The following CRACR2A variants were observed in gnomAD, a reference collection of about 807,000 sequenced individuals.
The protein encoded by CRACR2A is EF-hand calcium-binding domain-containing protein 4B.
Under a neutral mutation model 90.5 loss-of-function variants are expected in CRACR2A, and 79 were observed. The observed-to-expected ratio is 0.87, with a 90% CI of 0.73 to 1.05. The LOEUF is 1.05. CRACR2A is among the 50% of genes least tolerant of loss of function. CRACR2A has a pLI of 0.00. For missense variants in CRACR2A, 823 were observed against 897.2 expected, an observed-to-expected ratio of 0.92 and a Z score of 1.06; for synonymous variants, 338 against 356.7, an observed-to-expected ratio of 0.95 and a Z score of 0.59.
chr12:3,666,923 T>C (rs1945161634), intron 7 of CRACR2A, among the ~76,000 whole-genome samples: 1 of 152,248 alleles, frequency 6.6e-6, no homozygotes, highest in Admixed American at 6.5e-5. Flanking sequence ...AAGCGTAGGC[T>C]TGGCCTTGGA....
chr12:3,640,489 G>C (rs181803814), intron 13 of CRACR2A: 1 of 1,193,430 alleles, frequency 8.4e-7, no homozygotes, highest in Non-Finnish European at 1.1e-6. Flanking sequence ...CTGGTACACA[G>C]TAGGTAATCA....
rs574410725 is a variant in CRACR2A at position 3,711,953 on chromosome 12, T to A, written c.-37+1284A>T. 6.6e-6 allele frequency among the ~76,000 whole-genome samples: 1 copy of A among 152,294 alleles called. No individual in the cohort carries two copies. Among genetic ancestry groups the A allele is most frequent in the Admixed American group, 6.5e-5 (1 of 15,288 alleles). ...TTGGATAGCATATTATTATCATGGATTTTAGTGGCTGGTTGAAAATGAGAG... is the reference window on the plus strand; with the variant it reads ...TTGGATAGCATATTATTATCATGGAATTTAGTGGCTGGTTGAAAATGAGAG... On this transcript the variant is annotated intron_variant, in intron 3 of 19. Coordinates refer to ENST00000440314, the MANE Select transcript of CRACR2A (RefSeq NM_001144958.2). This position sits in a 1 kb window ranked among gnomAD's most constrained non-coding sequence, Gnocchi z 4.3.
chr12:3,713,244 C>G lies in CRACR2A; in HGVS notation c.-44G>C. The G allele has an allele frequency of 3.0e-6, 3 of 985,396 alleles. No individual in the cohort carries two copies. The South Asian group carries it at 1.4e-4, about 46-fold the overall frequency. The allele number at this position is 985,396 out of a possible 1,614,324, so 61.0% of individuals were successfully genotyped here. A position where few individuals can be genotyped will look rare whatever the true frequency, so the allele number is the denominator to read the frequency against. On this transcript the variant is annotated 5_prime_UTR_variant, in exon 3 of 20. Transcript: ENST00000440314. ...TTTTGTTCGCTCACTCACCTTGCAG[C>G]TCCCGGCTCCTCGGAGGACCTGCAA...
Position 3,623,377 on chromosome 12 carries a change from C to G in CRACR2A, c.1933-4005G>C, listed in dbSNP as rs189846058. 4.5e-3 allele frequency among the ~76,000 whole-genome samples: 679 copies of G among 152,258 alleles called. 4 individuals are homozygous for G. The highest frequency in any genetic ancestry group is 7.4e-3 in the Non-Finnish European group (500 of 68,012). ...CACATGCCCAGGAATCTAGTGCCAT[C>G]AGAACGACAAGAGGCTCTAAACAAG... On this transcript the variant is annotated intron_variant, in intron 17 of 19. Transcript: ENST00000440314.
intron 15 of CRACR2A, among the ~76,000 whole-genome samples, chr12:3,628,765 C>T (rs1472255079): frequency 6.6e-6 from 1 of 152,224 alleles, no homozygotes; most frequent in African/African-American, 2.4e-5. Context: ...AGAAAGGCCT[C>T]TGGAGGGCTC....
At chr12:3,643,825 T>C (rs1456267899) in intron 12 of CRACR2A, among the ~76,000 whole-genome samples, 1 of 108,442 alleles carries the variant, frequency 9.2e-6, no homozygotes, top group Non-Finnish European at 1.8e-5. Context: ...ATTTATATTA[T>C]ATATAAATAT....
At chr12:3,722,017 A>C (rs1009961981) in intron 2 of CRACR2A, among the ~76,000 whole-genome samples, 8 of 152,164 alleles carry the variant, frequency 5.3e-5, no homozygotes, top group African/African-American at 1.7e-4. Flanking sequence ...CAGTGTTTCA[A>C]TGGCCTTTTG....
At chr12:3,730,429 T>A (rs1427944340) in intron 2 of CRACR2A, 1 of 152,248 alleles carries the variant, frequency 6.6e-6, no homozygotes, top group African/African-American at 2.4e-5. Flanking sequence ...GTGTTTCCAG[T>A]TCTGTTGATT....
chr12:3,648,670 A>G, intron 10 of CRACR2A, 57 bp from the exon 11 acceptor site: 1 of 1,573,434 alleles, frequency 6.4e-7, no homozygotes, highest in East Asian at 2.3e-5. Context: ...GGATGCCCGG[A>G]CCCCTCATGC....
At chr12:3,701,408 A>C (rs546513867) in intron 3 of CRACR2A, among the ~76,000 whole-genome samples, 2 of 152,272 alleles carry the variant, frequency 1.3e-5, no homozygotes, top group East Asian at 3.9e-4. Context: ...GAAAATCAAC[A>C]AAACTAAAAG....
chr12:3,635,467 GTCTACCCTACCA>G lies in CRACR2A; in HGVS notation c.1603-1743_1603-1732del, dbSNP rs565126365. Among the ~76,000 whole-genome samples the G allele has an allele frequency of 2.3e-3, 352 of 152,200 alleles. 3 individuals carry two copies. The highest frequency in any genetic ancestry group is 8.1e-3 in the African/African-American group (337 of 41,520). ...GTAGAGAGGAAATTAATTCTTCATAGTCTACCCTACCATCCTGAAATGGTCACTATTCATATC... is the reference window on the plus strand; with the variant it reads ...GTAGAGAGGAAATTAATTCTTCATAGTCCTGAAATGGTCACTATTCATATC... On this transcript the variant is annotated intron_variant, in intron 14 of 19. Coordinates refer to ENST00000440314, the MANE Select transcript of CRACR2A (RefSeq NM_001144958.2).
At chr12:3,641,589 G>A in intron 13 of CRACR2A, 143 bp downstream of exon 13, 1 of 665,554 alleles carries the variant, frequency 1.5e-6, no homozygotes, top group South Asian at 1.9e-5. Flanking sequence ...AGGGGCATGT[G>A]TTCCAAGATT....
rs548206096 is a variant in CRACR2A at position 3,721,065 on chromosome 12, G to A, written c.-117-7748C>T. Among the ~76,000 whole-genome samples the A allele has an allele frequency of 3.3e-5, 5 of 152,294 alleles. No homozygotes were observed. The East Asian group carries it at 7.7e-4, about 23-fold the overall frequency. On this transcript the variant is annotated intron_variant, in intron 2 of 19. Coordinates refer to ENST00000440314, the MANE Select transcript of CRACR2A (RefSeq NM_001144958.2). ...GGTTGACTGGCCAGCACTTTCTAGT[G>A]CTCATGAGAATGCCTGAGTTTTAAA...
At chr12:3,666,831 G>A (rs549876589) in intron 7 of CRACR2A, among the ~76,000 whole-genome samples, 12 of 152,278 alleles carry the variant, frequency 7.9e-5, no homozygotes, top group East Asian at 1.9e-4. Context: ...TTAGAAAGTC[G>A]TCCATTCCCC....
intron 1 of CRACR2A, among the ~76,000 whole-genome samples, chr12:3,738,622 A>G (rs1188747683): frequency 1.3e-5 from 2 of 152,208 alleles, no homozygotes; most frequent in Admixed American, 6.5e-5. Context: ...TGAAAATATG[A>G]AAGAGAACTT....
chr12:3,722,817 T>A (rs1946203607), intron 2 of CRACR2A, among the ~76,000 whole-genome samples: 1 of 152,224 alleles, frequency 6.6e-6, no homozygotes, highest in Non-Finnish European at 1.5e-5. Flanking sequence ...CAACTGGCTC[T>A]GACTACAAAT....
At chr12:3,723,307 T>G (rs1431178784) in intron 2 of CRACR2A, among the ~76,000 whole-genome samples, 1 of 152,098 alleles carries the variant, frequency 6.6e-6, no homozygotes, top group Non-Finnish European at 1.5e-5. Flanking sequence ...TGATAGGGCT[T>G]CTCTAATGGT....
At chr12:3,694,061 C>T (rs568843604) in intron 4 of CRACR2A, among the ~76,000 whole-genome samples, 46 of 152,248 alleles carry the variant, frequency 3.0e-4, no homozygotes, top group African/African-American at 9.9e-4. Flanking sequence ...AATGAGTCCC[C>T]GTGCATGGTA....
At chr12:3,632,169 C>A (rs895991945) in intron 15 of CRACR2A, among the ~76,000 whole-genome samples, 2 of 152,178 alleles carry the variant, frequency 1.3e-5, no homozygotes, top group Admixed American at 1.3e-4. Flanking sequence ...CTCTCTTCCT[C>A]CTGCTCTGGC....
Sources: gnomAD v4.1 joint callset for allele counts (sites outside exome capture counted in the v4.1 genomes callset) on GRCh38, gnomAD v4.1.1 for gene constraint, Gnocchi (gnomAD v3.1) non-coding constraint, MANE v1.5 for transcripts, NCBI Gene and HGNC (gene_info 2026-07-23, HGNC 2026-07-21) for gene names.